Variants in ERC2 observed in about 807,000 individuals in gnomAD.
ERC2 encodes ERC protein 2.
Under a neutral mutation model 114.8 loss-of-function variants are expected in ERC2, and 42 were observed. The observed-to-expected ratio is 0.37, with a 90% CI of 0.29 to 0.47. ERC2 has a LOEUF of 0.47. ERC2 is among the 20% of genes least tolerant of loss of function. ERC2 has a pLI of 0.99. For missense variants in ERC2, 939 were observed against 1,150.7 expected, an observed-to-expected ratio of 0.82 and a Z score of 2.66; for synonymous variants, 454 against 425.5, an observed-to-expected ratio of 1.07 and a Z score of -0.82.
intron 2 of ERC2, among the ~76,000 whole-genome samples, chr3:56,369,171 G>T (rs994879495): frequency 6.6e-6 from 1 of 152,138 alleles, no homozygotes; most frequent in African/African-American, 2.4e-5. Context: ...CCTAGTTGTT[G>T]TCCACTCATA....
At position 55,728,319 on chromosome 3, in the gene ERC2, T is replaced by C. The variant is rs181704017; in HGVS notation, c.2712+6452A>G. On this transcript the variant is annotated intron_variant, in intron 15 of 17. Transcript: ENST00000288221. Reference sequence around the variant, plus strand: ...TCATCACAAAACAAATGGAAAATTATATCTGTTACAAGTGCTATAAAATGG... The same window carrying C: ...TCATCACAAAACAAATGGAAAATTACATCTGTTACAAGTGCTATAAAATGG... Among the ~76,000 whole-genome samples, 13 of 152,300 alleles carry C rather than the reference T, an allele frequency of 8.5e-5. No homozygotes were observed. In the East Asian group the frequency reaches 2.5e-3, roughly 29 times the overall value.
At chr3:56,462,491 C>T (rs77798795) in intron 1 of ERC2, among the ~76,000 whole-genome samples, 119 of 152,258 alleles carry the variant, frequency 7.8e-4, no homozygotes, top group African/African-American at 2.8e-3. Flanking sequence ...TACTCACTAG[C>T]CCATGAAATC....
intron 14 of ERC2, among the ~76,000 whole-genome samples, chr3:55,828,387 G>T (rs954795297): frequency 2.0e-5 from 3 of 151,640 alleles, no homozygotes; most frequent in African/African-American, 7.3e-5. Flanking sequence ...GGTCCAAAGA[G>T]TAGGGGAGAA....
At chr3:55,866,212 T>G (rs544666460) in intron 14 of ERC2, among the ~76,000 whole-genome samples, 3 of 152,158 alleles carry the variant, frequency 2.0e-5, no homozygotes, top group Non-Finnish European at 2.9e-5. Context: ...ACTAATAACT[T>G]TAAGCATCTT....
Position 55,734,763 on chromosome 3 carries a change from G to T in ERC2, c.2712+8C>A. On this transcript the variant is annotated splice_region_variant and intron_variant, in intron 15 of 17. Coordinates refer to ENST00000288221, the MANE Select transcript of ERC2 (RefSeq NM_015576.3). ...AGAAAAACACACCTGTCTTGCAGGA[G>T]GCCCCACCTGCTGCTTTAATTGATG... The T allele has an allele frequency of 6.2e-7, 1 of 1,605,188 alleles. No homozygotes were observed. The highest frequency in any genetic ancestry group is 8.5e-7 in the Non-Finnish European group (1 of 1,175,836).
intron 3 of ERC2, among the ~76,000 whole-genome samples, chr3:56,250,821 T>C (rs1576085990): frequency 6.6e-6 from 1 of 152,352 alleles, no homozygotes; most frequent in East Asian, 1.9e-4. Flanking sequence ...TGAAATTCCA[T>C]GAACTCCAAG....
intron 2 of ERC2, among the ~76,000 whole-genome samples, chr3:56,401,899 T>G (rs1228886154): frequency 6.6e-6 from 1 of 151,912 alleles, no homozygotes; most frequent in African/African-American, 2.4e-5. Context: ...AGGAAAGAGG[T>G]TTAATTGACC....
intron 15 of ERC2, 99 bp from the exon 16 acceptor site, chr3:55,699,611 T>C (rs2063119563): frequency 1.5e-6 from 2 of 1,302,418 alleles, no homozygotes; most frequent in South Asian, 2.0e-5. Context: ...ATCCCTTTGT[T>C]CCTAATTCAG....
intron 3 of ERC2, among the ~76,000 whole-genome samples, chr3:56,232,567 T>C (rs186042342): frequency 4.6e-5 from 7 of 152,306 alleles, no homozygotes; most frequent in Admixed American, 1.3e-4. Flanking sequence ...TGGGACTTCA[T>C]CCTTGTGCTA....
chr3:55,764,247 C>G (rs2067630655), intron 14 of ERC2, among the ~76,000 whole-genome samples: 1 of 152,250 alleles, frequency 6.6e-6, no homozygotes, highest in South Asian at 2.1e-4. Context: ...ACAGCCATAA[C>G]AGATGAAAAG....
intron 6 of ERC2, among the ~76,000 whole-genome samples, chr3:56,138,738 C>A (rs1291863173): frequency 6.6e-6 from 1 of 152,212 alleles, no homozygotes; most frequent in Non-Finnish European, 1.5e-5. Flanking sequence ...TCAAGATTCA[C>A]CACATTTTTC....
At chr3:56,265,790 A>G (rs2053251208) in intron 3 of ERC2, among the ~76,000 whole-genome samples, 1 of 152,054 alleles carries the variant, frequency 6.6e-6, no homozygotes, top group South Asian at 2.1e-4. Context: ...ACACTTTGGG[A>G]GGCCAAGGTG....
At chr3:55,726,604 G>C (rs536596443) in intron 15 of ERC2, among the ~76,000 whole-genome samples, 1 of 152,158 alleles carries the variant, frequency 6.6e-6, no homozygotes, top group Non-Finnish European at 1.5e-5. Flanking sequence ...CCACATCTGC[G>C]ACTAATCCTT....
chr3:56,300,240 A>G (rs927213950), intron 2 of ERC2, among the ~76,000 whole-genome samples: 3 of 151,722 alleles, frequency 2.0e-5, no homozygotes, highest in Non-Finnish European at 4.4e-5. Flanking sequence ...TATCCATTCA[A>G]TATACAGTTA....
intron 2 of ERC2, among the ~76,000 whole-genome samples, chr3:56,362,090 G>T (rs537004097): frequency 1.3e-5 from 2 of 152,132 alleles, no homozygotes; most frequent in East Asian, 1.9e-4. Flanking sequence ...GAAATTTCCC[G>T]GTAAGACAAG....
At chr3:55,578,241 C>T (rs2057085430) in intron 17 of ERC2, among the ~76,000 whole-genome samples, 1 of 152,226 alleles carries the variant, frequency 6.6e-6, no homozygotes, top group South Asian at 2.1e-4. Context: ...ACAGAGTTGT[C>T]AATGGCTTCT....
intron 17 of ERC2, among the ~76,000 whole-genome samples, chr3:55,604,294 G>A (rs1475256050): frequency 6.6e-6 from 1 of 151,948 alleles, no homozygotes; most frequent in Non-Finnish European, 1.5e-5. Flanking sequence ...TGAGACGTGT[G>A]AAAGGCTTAA....
chr3:55,976,141 C>T (rs1442590472), intron 12 of ERC2, among the ~76,000 whole-genome samples: 2 of 152,200 alleles, frequency 1.3e-5, no homozygotes, highest in African/African-American at 2.4e-5. Flanking sequence ...CATACTTGTT[C>T]CTACATCCTG....
intron 6 of ERC2, 85 bp from the exon 7 acceptor site, chr3:56,081,069 C>T: frequency 6.9e-7 from 1 of 1,445,534 alleles, no homozygotes; most frequent in Non-Finnish European, 9.4e-7. Flanking sequence ...GGAGGCAGGG[C>T]AGCAGCATGT....
Sources: gnomAD v4.1 joint callset for allele counts (sites outside exome capture counted in the v4.1 genomes callset) on GRCh38, gnomAD v4.1.1 for gene constraint, MANE v1.5 for transcripts, NCBI Gene and HGNC (gene_info 2026-07-23, HGNC 2026-07-21) for gene names.